FBXW10: variants seen among roughly 807,000 people sequenced by gnomAD.
FBXW10 encodes F-box/WD repeat-containing protein 10.
In FBXW10, 68 loss-of-function variants were observed where a neutral mutation model predicts 113.1. The observed-to-expected ratio is 0.60, with a 90% CI of 0.49 to 0.74. FBXW10 has a LOEUF of 0.74. Ranked by LOEUF, FBXW10 falls within the 30% of genes least tolerant of loss-of-function variation. The pLI, the probability that FBXW10 is intolerant of heterozygous loss-of-function variation, is 0.00. For synonymous variants in FBXW10, 289 were observed against 481.6 expected (o/e 0.60, Z 5.24); for missense variants, 753 against 1,284.5 (o/e 0.59, Z 6.32).
intron 5 of FBXW10, among the ~76,000 whole-genome samples, chr17:18,755,281 G>C (rs1178048659): frequency 1.3e-5 from 2 of 151,910 alleles, no homozygotes; most frequent in African/African-American, 4.8e-5. Context: ...TTGCGGCCGG[G>C]CCTGGTGGCT....
At chr17:18,776,917 A>T (rs2035709936) in intron 13 of FBXW10, among the ~76,000 whole-genome samples, 1 of 152,146 alleles carries the variant, frequency 6.6e-6, no homozygotes, top group South Asian at 2.1e-4. Flanking sequence ...ACTTGGAAAG[A>T]GATCCACAAT....
At chr17:18,753,973 G>A (rs914414439) in intron 5 of FBXW10, among the ~76,000 whole-genome samples, 1 of 152,202 alleles carries the variant, frequency 6.6e-6, no homozygotes, top group African/African-American at 2.4e-5. Context: ...AGCAGTTACA[G>A]AGTCTCCTAG....
chr17:18,770,270 C>G (rs182508390), intron 11 of FBXW10, among the ~76,000 whole-genome samples, 185 bp downstream of exon 11: 1 of 150,050 alleles, frequency 6.7e-6, no homozygotes, highest in African/African-American at 2.4e-5. Context: ...TTGCACAAAA[C>G]TTAGTAATCA....
Position 18,749,906 on chromosome 17 carries a change from C to A in FBXW10, c.855C>A (p.Leu285=). ...RDFIRYLPIH[L]SKYILRMLDR... is the part of the protein sequence containing the mutation. ...TCATCCGTTACCTGCCCATCCACCT[C>A]TCCAAGTACATTCTAAGTATGCTGG... The change falls in exon 3 of 14, where the codon CTC becomes CTA. Residue 285 remains leucine, a synonymous_variant. Coordinates refer to ENST00000395665, the MANE Select transcript of FBXW10 (RefSeq NM_001267585.2). 1.2e-6 allele frequency: 2 copies of A among 1,613,944 alleles called. No homozygotes were observed. The highest frequency in any genetic ancestry group is 1.7e-6 in the Non-Finnish European group (2 of 1,179,954).
chr17:18,749,955 C>A, intron 3 of FBXW10, 33 bp downstream of exon 3: 2 of 1,613,930 alleles, frequency 1.2e-6, no homozygotes. Context: ...ATTTCCCAGA[C>A]ACCTCCCCTC....
In FBXW10 at chr17:18,769,959, G is replaced by C. The variant is rs758319701; in HGVS notation, c.1880G>C (p.Arg627Pro). ...EVLDVSLLFLRVISACADGKI... is the reference protein window; with the variant it reads ...EVLDVSLLFLPVISACADGKI... The stretch of plus-strand genomic sequence containing the variant: ...CTCGACGTGTCCCTTCTCTTCCTCC[G>C]GGTCATCAGCGCCTGTGCAGATGGC... Residue 627 changes from arginine (R) to proline (P), a missense_variant, in exon 11 of 14, where the codon CGG (arginine) becomes CCG (proline). Arg to Pro is a moderately radical substitution (Grantham distance 103, BLOSUM62 -2). Coordinates refer to ENST00000395665, the MANE Select transcript of FBXW10 (RefSeq NM_001267585.2). 55 of 1,613,970 alleles carry C rather than the reference G, an allele frequency of 3.4e-5. No homozygotes were observed. The South Asian group carries it at 5.5e-4, about 16-fold the overall frequency.
At chr17:18,746,883 G>A (rs1482906778) in intron 1 of FBXW10, among the ~76,000 whole-genome samples, 1 of 150,512 alleles carries the variant, frequency 6.6e-6, no homozygotes, top group Non-Finnish European at 1.5e-5. Flanking sequence ...TTACACTGGA[G>A]TTGTGTTAAG....
intron 7 of FBXW10, among the ~76,000 whole-genome samples, chr17:18,761,805 T>A (rs190020826): frequency 2.6e-5 from 4 of 152,212 alleles, no homozygotes; most frequent in African/African-American, 9.6e-5. Flanking sequence ...ATTACTATTG[T>A]GAATGGTATC....
At position 18,748,012 on chromosome 17, in the gene FBXW10, C is replaced by G. The variant is rs756785563; in HGVS notation, c.577C>G (p.Gln193Glu). Reference sequence around the variant, plus strand: ...CCACAGCTCCAAGTCTGCGACCTCACAAGTCTATTGGACAGCCAAAACTCA... The same window carrying G: ...CCACAGCTCCAAGTCTGCGACCTCAGAAGTCTATTGGACAGCCAAAACTCA... ...KDHSSKSATS[Q>E]VYWTAKTQHT... The change falls in exon 2 of 14, where the codon CAA becomes GAA. Residue 193 changes from glutamine to glutamate, a missense_variant. Gln to Glu is a conservative substitution (Grantham distance 29, BLOSUM62 2). Coordinates refer to ENST00000395665, the MANE Select transcript of FBXW10 (RefSeq NM_001267585.2). 1.9e-6 allele frequency: 3 copies of G among 1,613,906 alleles called. No homozygotes were observed. Among genetic ancestry groups the G allele is most frequent in the Non-Finnish European group, 2.5e-6 (3 of 1,179,864 alleles).
intron 11 of FBXW10, 139 bp downstream of exon 11, chr17:18,770,224 T>C: frequency 7.5e-7 from 1 of 1,339,926 alleles, no homozygotes; most frequent in East Asian, 2.3e-5. Flanking sequence ...TCTGGCTGGG[T>C]GGAGCAATAG....
intron 5 of FBXW10, among the ~76,000 whole-genome samples, chr17:18,755,738 C>A (rs2151800883): frequency 6.6e-6 from 1 of 152,108 alleles, no homozygotes; most frequent in Non-Finnish European, 1.5e-5. Flanking sequence ...CCTTTGTGAG[C>A]TGATTTTTGA....
chr17:18,769,842 C>A, intron 10 of FBXW10, 85 bp from the exon 11 acceptor site: 9 of 1,474,758 alleles, frequency 6.1e-6, no homozygotes, highest in Non-Finnish European at 8.3e-6. Flanking sequence ...GCTGCTCAAT[C>A]ACACACAAAA....
chr17:18,760,178 G>A (rs376772140), intron 7 of FBXW10, among the ~76,000 whole-genome samples: 16 of 149,290 alleles, frequency 1.1e-4, no homozygotes, highest in East Asian at 1.0e-3. Flanking sequence ...GGTATTAAAT[G>A]AAACCCACTG....
In FBXW10 at chr17:18,747,678, C is replaced by T. The variant is rs76866171; in HGVS notation, c.506-263C>T. On this transcript the variant is annotated intron_variant, in intron 1 of 13. Transcript: ENST00000395665. ...CCGAAGAGCATTCCCTGTTGCAATTCCTGACCTCGACTCTCTCTCTCTCTG... is the reference window on the plus strand; with the variant it reads ...CCGAAGAGCATTCCCTGTTGCAATTTCTGACCTCGACTCTCTCTCTCTCTG... 0.02 allele frequency among the ~76,000 whole-genome samples: 2,995 copies of T among 152,140 alleles called. 152 individuals are homozygous for T. In the East Asian group the frequency reaches 0.21, roughly 11 times the overall value.
chr17:18,769,778 A>C (rs960292784), intron 10 of FBXW10, 149 bp from the exon 11 acceptor site: 12 of 165,652 alleles, frequency 7.2e-5, no homozygotes, highest in Non-Finnish European at 1.3e-4. Context: ...ACTCCATCTC[A>C]AAAAAAAAAA....
At chr17:18,773,444 A>G (rs191828773) in intron 12 of FBXW10, among the ~76,000 whole-genome samples, 1 of 152,242 alleles carries the variant, frequency 6.6e-6, no homozygotes, top group Non-Finnish European at 1.5e-5. Context: ...TAGACCTGAG[A>G]GATAATGTTT....
Position 18,750,988 on chromosome 17 carries a change from C to A in FBXW10, c.1057C>A (p.Pro353Thr), listed in dbSNP as rs2035156787. The change falls in exon 5 of 14, where the codon CCT becomes ACT. Residue 353 changes from proline (P) to threonine (T), a missense_variant. Pro to Thr is a conservative substitution (Grantham distance 38). Transcript: ENST00000395665. The stretch of plus-strand genomic sequence containing the variant: ...TGCCAATAAGGTTTCTATCCCAGTT[C>A]CTAAAATGGTAGATGACGGGAAGAG... The part of the protein sequence containing the change: ...NYANKVSIPV[P>T]KMVDDGKSMR... The A allele has an allele frequency of 1.2e-6, 2 of 1,614,084 alleles. No individual in the cohort carries two copies. The highest frequency in any genetic ancestry group is 1.7e-6 in the Non-Finnish European group (2 of 1,180,014).
At chr17:18,750,718 CCT>C (rs1701102423) in intron 4 of FBXW10, among the ~76,000 whole-genome samples, 1 of 152,060 alleles carries the variant, frequency 6.6e-6, no homozygotes, top group South Asian at 2.1e-4. Flanking sequence ...TACTGGTCCC[CCT>C]GTGGCATTTG....
At position 18,766,867 on chromosome 17, in the gene FBXW10, G is replaced by A; in HGVS notation, c.1704+5G>A. The A allele has an allele frequency of 6.3e-7, 1 of 1,581,472 alleles. No individual in the cohort carries two copies. On this transcript the variant is annotated splice_donor_5th_base_variant and intron_variant, in intron 9 of 13. Coordinates refer to ENST00000395665, the MANE Select transcript of FBXW10 (RefSeq NM_001267585.2). ...GCCATGGCCCAGTTGGTAAAGGTAA[G>A]TGGGCAGTGGGCTACCTTGGCGGAA...
Sources: allele counts gnomAD v4.1 joint callset (sites outside exome capture counted in the v4.1 genomes callset), GRCh38; gene constraint gnomAD v4.1.1; transcripts MANE v1.5; gene names NCBI Gene and HGNC (gene_info 2026-07-23, HGNC 2026-07-21).